The following DNAH5 variants were observed in gnomAD, a reference collection of about 807,000 sequenced individuals.
The protein encoded by DNAH5 is dynein axonemal heavy chain 5.
A neutral mutation model predicts 518.2 loss-of-function variants in DNAH5; 372 were observed. That is an observed-to-expected ratio of 0.72 (90% CI 0.66 to 0.78). DNAH5 has a LOEUF of 0.78. Ranked by LOEUF, DNAH5 falls within the 30% of genes least tolerant of loss-of-function variation. The pLI is 0.00. For missense variants in DNAH5, 5,523 were observed against 5,687.0 expected, an observed-to-expected ratio of 0.97 and a Z score of 0.93; for synonymous variants, 2,039 against 2,025.9, an observed-to-expected ratio of 1.01 and a Z score of -0.17.
intron 21 of DNAH5, among the ~76,000 whole-genome samples, chr5:13,877,341 C>T (rs1032520012): frequency 6.6e-6 from 1 of 152,182 alleles, no homozygotes; most frequent in Non-Finnish European, 1.5e-5. Flanking sequence ...AAGTCCTATC[C>T]TCATGGCATT....
chr5:13,893,135 C>T (rs1005637659), intron 16 of DNAH5, among the ~76,000 whole-genome samples: 8 of 152,052 alleles, frequency 5.3e-5, no homozygotes, highest in Admixed American at 2.0e-4. Context: ...TTGGAAAGTG[C>T]GGTGAAAATC....
At chr5:13,721,321 A>C (rs1745035412) in intron 70 of DNAH5, 76 bp from the exon 71 acceptor site, 1 of 1,589,098 alleles carries the variant, frequency 6.3e-7, no homozygotes, top group Non-Finnish European at 8.6e-7. Context: ...GGTTTCCAAA[A>C]TTCATTTTTG....
intron 47 of DNAH5, among the ~76,000 whole-genome samples, chr5:13,800,052 A>C (rs899597123): frequency 6.6e-6 from 1 of 152,152 alleles, no homozygotes; most frequent in Non-Finnish European, 1.5e-5. Flanking sequence ...GTGTGCTGAA[A>C]AGATATGAAA....
chr5:13,901,674 T>A, intron 13 of DNAH5, 101 bp from the exon 14 acceptor site: 1 of 737,060 alleles, frequency 1.4e-6, no homozygotes, highest in Middle Eastern at 4.0e-4. Context: ...ATTTATTTTT[T>A]AAAATGCTAA....
intron 78 of DNAH5, among the ~76,000 whole-genome samples, chr5:13,696,887 T>C (rs571954667): frequency 6.6e-6 from 1 of 152,330 alleles, no homozygotes; most frequent in African/African-American, 2.4e-5. Flanking sequence ...TTTTATTTTC[T>C]CCCTTACCTG....
chr5:13,971,635 GGT>G (rs1385272348), intron 1 of DNAH5, among the ~76,000 whole-genome samples: 8 of 152,184 alleles, frequency 5.3e-5, no homozygotes, highest in African/African-American at 1.9e-4. Flanking sequence ...TCCATCTTCA[GGT>G]CTCTCAGCTG....
chr5:13,714,726 T>G (rs1163670586), intron 74 of DNAH5, 106 bp from the exon 75 acceptor site: 2 of 1,052,662 alleles, frequency 1.9e-6, no homozygotes, highest in Non-Finnish European at 1.4e-6. Flanking sequence ...TGCATTTACT[T>G]AAGTCTTATT....
At chr5:13,927,264 T>A (rs1580928598) in intron 3 of DNAH5, among the ~76,000 whole-genome samples, 1 of 152,006 alleles carries the variant, frequency 6.6e-6, no homozygotes, top group African/African-American at 2.4e-5. Context: ...GAGGCCGAGG[T>A]GGGTGGATCA....
At position 13,911,321 on chromosome 5, in the gene DNAH5, G is replaced by C. The variant is rs546521718; in HGVS notation, c.1644+65C>G. 6.1e-5 allele frequency: 76 copies of C among 1,252,328 alleles called. No individual in the cohort carries two copies. The African/African-American group carries it at 1.0e-3, about 17-fold the overall frequency. The allele number at this position is 1,252,328 out of a possible 1,614,324, so 77.6% of individuals were successfully genotyped here. A position where few individuals can be genotyped will look rare whatever the true frequency, so the allele number is the denominator to read the frequency against. On this transcript the variant is annotated intron_variant, in intron 12 of 78. Transcript: ENST00000265104. ...GCCTTCTGATTGGGTAATGATTAACGGCATTATACAGAAAGGAAAAAATAA... is the reference window on the plus strand; with the variant it reads ...GCCTTCTGATTGGGTAATGATTAACCGCATTATACAGAAAGGAAAAAATAA...
chr5:13,725,915 G>A (rs1745662091), intron 70 of DNAH5, among the ~76,000 whole-genome samples: 1 of 152,172 alleles, frequency 6.6e-6, no homozygotes, highest in Non-Finnish European at 1.5e-5. Context: ...GCCTCCCAAA[G>A]TGCTGGGATT....
chr5:13,826,240 A>G (rs946968077), intron 38 of DNAH5, among the ~76,000 whole-genome samples: 1 of 152,210 alleles, frequency 6.6e-6, no homozygotes, highest in African/African-American at 2.4e-5. Context: ...GATCTTGTGA[A>G]CATGGGTGGT....
intron 1 of DNAH5, among the ~76,000 whole-genome samples, chr5:13,955,207 C>T (rs950872017): frequency 6.6e-6 from 1 of 152,136 alleles, no homozygotes; most frequent in East Asian, 1.9e-4. Flanking sequence ...GCACTTCCCC[C>T]CTCACTCTCT....
chr5:13,928,367 ACT>A (rs1778091521), intron 2 of DNAH5, among the ~76,000 whole-genome samples, 189 bp from the exon 3 acceptor site: 1 of 152,142 alleles, frequency 6.6e-6, no homozygotes, highest in South Asian at 2.1e-4. Context: ...CATAGTAAAG[ACT>A]CTGTTCAAAA....
rs758573011 is a variant in DNAH5 at position 13,770,840 on chromosome 5, G to C, written c.9514C>G (p.His3172Asp). The C allele has an allele frequency of 1.2e-5, 19 of 1,613,852 alleles. No homozygotes were observed. The South Asian group carries it at 2.0e-4, about 17-fold the overall frequency. Residue 3172 changes from histidine (H) to aspartate (D), a missense_variant, in exon 56 of 79, where the codon CAC (histidine) becomes GAC (aspartate). His to Asp is a moderately conservative substitution (Grantham distance 81). Coordinates refer to ENST00000265104, the MANE Select transcript of DNAH5 (RefSeq NM_001369.3). ...GAGAGGTATGATTTGGGCGTCACGT[G>C]GGTAGAACGTCGGAATCTCTGAAAA... ...DYFQRFRRSTHVTPKSYLSFI... is the reference protein window; with the variant it reads ...DYFQRFRRSTDVTPKSYLSFI...
In DNAH5 at chr5:13,714,453, C is replaced by T. The variant is rs148805204; in HGVS notation, c.13077G>A (p.Leu4359=). The T allele has an allele frequency of 1.7e-5, 28 of 1,613,986 alleles. No homozygotes were observed. The highest frequency in any genetic ancestry group is 2.1e-5 in the Non-Finnish European group (25 of 1,180,006). The part of the protein sequence containing the change: ...DETREAVVAR[L]ADDMLEKLPP... ...GCAGCTTCTCCAGCATATCATCAGC[C>T]AGCCGGGCCACCACCGCCTCCCGGG... Residue 4359 remains leucine, a synonymous_variant, in exon 75 of 79, where the codon CTG becomes CTA. Coordinates refer to ENST00000265104, the MANE Select transcript of DNAH5 (RefSeq NM_001369.3).
chr5:13,708,023 A>G, intron 76 of DNAH5, 100 bp downstream of exon 76: 1 of 1,380,354 alleles, frequency 7.2e-7, no homozygotes, highest in Non-Finnish European at 1.0e-6. Flanking sequence ...GTGCAAAAGA[A>G]TCATGTTGAG....
intron 65 of DNAH5, among the ~76,000 whole-genome samples, chr5:13,742,778 G>A (rs533462130): frequency 3.3e-5 from 5 of 152,052 alleles, no homozygotes; most frequent in South Asian, 2.1e-4. Context: ...AGTTTGAAAC[G>A]GATGAAAATA....
chr5:13,954,009 G>A (rs1243445294), intron 1 of DNAH5, among the ~76,000 whole-genome samples: 1 of 152,118 alleles, frequency 6.6e-6, no homozygotes, highest in African/African-American at 2.4e-5. Flanking sequence ...CGCCCGGCCA[G>A]TTCCTGTTTT....
At chr5:13,973,249 G>C (rs192161551) in intron 1 of DNAH5, among the ~76,000 whole-genome samples, 2 of 152,290 alleles carry the variant, frequency 1.3e-5, no homozygotes, top group African/African-American at 2.4e-5. Flanking sequence ...GGACCAAAAC[G>C]ATTCTCTCCT....
Sources: allele counts gnomAD v4.1 joint callset (sites outside exome capture counted in the v4.1 genomes callset), GRCh38; gene constraint gnomAD v4.1.1; transcripts MANE v1.5; gene names NCBI Gene and HGNC (gene_info 2026-07-23, HGNC 2026-07-21).